MTARC2: variants seen among roughly 807,000 people sequenced by gnomAD.
The protein encoded by MTARC2 is mitochondrial amidoxime reducing component 2.
In MTARC2, 27 loss-of-function variants were observed where a neutral mutation model predicts 35.6. The ratio of observed to expected loss-of-function variants is 0.76; its 90% confidence interval spans 0.56 to 1.04. The LOEUF is 1.04. Ranked by LOEUF, MTARC2 falls within the 50% of genes least tolerant of loss-of-function variation. The pLI, the probability that MTARC2 is intolerant of heterozygous loss-of-function variation, is 0.00. For synonymous variants in MTARC2, 158 were observed against 167.1 expected, an observed-to-expected ratio of 0.95 and a Z score of 0.42; for missense variants, 412 against 432.5, an observed-to-expected ratio of 0.95 and a Z score of 0.42.
intron 2 of MTARC2, among the ~76,000 whole-genome samples, chr1:220,758,271 C>G (rs1336929024): frequency 6.6e-6 from 1 of 152,174 alleles, no homozygotes; most frequent in Admixed American, 6.5e-5. Context: ...GCATGAGCCA[C>G]CACGCCCGGC....
Position 220,784,000 on chromosome 1 carries a change from C to A in MTARC2, c.*113C>A, listed in dbSNP as rs1366659367. On this transcript the variant is annotated 3_prime_UTR_variant, in exon 8 of 8. Coordinates refer to ENST00000366913, the MANE Select transcript of MTARC2 (RefSeq NM_017898.5). ...CAGCAAATCCTTATTATCCAGCCTT[C>A]AACTATCTTTACCCTGGAAAACAAT... The A allele has an allele frequency of 1.4e-6, 1 of 716,854 alleles. No homozygotes were observed. The highest frequency in any genetic ancestry group is 2.0e-5 in the Admixed American group (1 of 49,966). The allele number at this position is 716,854 out of a possible 1,614,324, so 44.4% of individuals were successfully genotyped here.
At position 220,784,756 on chromosome 1, in the gene MTARC2, C is replaced by T. The variant is rs552693677; in HGVS notation, c.*869C>T. The T allele has an allele frequency of 2.6e-5, 4 of 152,304 alleles. No homozygotes were observed. The East Asian group carries it at 7.7e-4, about 29-fold the overall frequency. The allele number at this position is 152,304 out of a possible 1,614,324, so 9.4% of individuals were successfully genotyped here. On this transcript the variant is annotated 3_prime_UTR_variant, in exon 8 of 8. Transcript: ENST00000366913. ...CTGAAATAGTATGTGGATGAATTCA[C>T]CTACTTACAATTTTATGGTTTCTTT...
At chr1:220,751,276 G>A (rs1350056668) in intron 1 of MTARC2, among the ~76,000 whole-genome samples, 1 of 152,098 alleles carries the variant, frequency 6.6e-6, no homozygotes, top group Non-Finnish European at 1.5e-5. Context: ...GTGAACACTT[G>A]GCTTGAGCAC....
chr1:220,772,700 T>TTGTGTGTG (rs371722709), intron 4 of MTARC2, among the ~76,000 whole-genome samples: 373 of 148,714 alleles, frequency 2.5e-3, no homozygotes, highest in Middle Eastern at 6.9e-3. Flanking sequence ...GTGTGTGTGT[T>TTGTGTGTG]TGTGTGTGTG....
chr1:220,758,538 G>T (rs945543002), intron 2 of MTARC2, among the ~76,000 whole-genome samples: 7 of 151,620 alleles, frequency 4.6e-5, no homozygotes, highest in Non-Finnish European at 8.8e-5. Context: ...TCCTGCCTCA[G>T]CCTCCTGAGT....
chr1:220,761,540 C>G, intron 2 of MTARC2, 118 bp from the exon 3 acceptor site: 2 of 946,356 alleles, frequency 2.1e-6, no homozygotes, highest in Non-Finnish European at 3.1e-6. Flanking sequence ...GACCCAGGGA[C>G]CACTTAACAG....
At chr1:220,754,154 AAC>A (rs893438021) in intron 1 of MTARC2, among the ~76,000 whole-genome samples, 1 of 152,188 alleles carries the variant, frequency 6.6e-6, no homozygotes, top group African/African-American at 2.4e-5. Flanking sequence ...TCTTTTTGGC[AAC>A]ACAGTCTTTT....
rs1671035195 is a variant in MTARC2, at chr1:220,748,396, G to GA, written c.-133dup. The GA allele has an allele frequency of 1.1e-6, 1 of 903,714 alleles. No individual in the cohort carries two copies. Among genetic ancestry groups the GA allele is most frequent in the Non-Finnish European group, 1.5e-6 (1 of 678,974 alleles). The allele number at this position is 903,714 out of a possible 1,614,324, so 56.0% of individuals were successfully genotyped here. ...GGAACTGCTCTGCCGTCTCGGCGGT[G>GA]AAAGTGTGAGAGGGTCCGTAGTTGG... On this transcript the variant is annotated 5_prime_UTR_variant, in exon 1 of 8. Coordinates refer to ENST00000366913, the MANE Select transcript of MTARC2 (RefSeq NM_017898.5).
rs1289355127 is a variant in MTARC2, at chr1:220,753,023, G to C, written c.273-1924G>C. ...AGATCAGGAGATCGAGACCATCCTG[G>C]CTAACACGGTGAAACCCTGTCTCTA... On this transcript the variant is annotated intron_variant, in intron 1 of 7. Transcript: ENST00000366913. Among the ~76,000 whole-genome samples the C allele has an allele frequency of 2.1e-5, 3 of 145,048 alleles. No homozygotes were observed. In the East Asian group the frequency reaches 6.3e-4, roughly 30 times the overall value.
intron 2 of MTARC2, among the ~76,000 whole-genome samples, chr1:220,758,831 A>T (rs1172430279): frequency 8.0e-6 from 1 of 124,568 alleles, no homozygotes; most frequent in Non-Finnish European, 1.6e-5. Flanking sequence ...ATGTGAAAAT[A>T]TGTGTGTGTG....
At chr1:220,752,355 G>A (rs1389528025) in intron 1 of MTARC2, among the ~76,000 whole-genome samples, 1 of 152,200 alleles carries the variant, frequency 6.6e-6, no homozygotes, top group African/African-American at 2.4e-5. Context: ...TAAGGGTGAA[G>A]GCTTTAGTGA....
intron 1 of MTARC2, among the ~76,000 whole-genome samples, chr1:220,752,194 A>G (rs556480838): frequency 7.0e-4 from 106 of 152,336 alleles, no homozygotes; most frequent in African/African-American, 2.4e-3. Flanking sequence ...GACATTAATA[A>G]GGGATGAATG....
rs1477132043 is a variant in MTARC2, at chr1:220,780,039, A to G, written c.772A>G (p.Ile258Val). The G allele has an allele frequency of 1.9e-6, 3 of 1,540,080 alleles. No individual in the cohort carries two copies. The highest frequency in any genetic ancestry group is 1.7e-6 in the Non-Finnish European group (2 of 1,154,178). ...TTAGGATACCTGGGATGAACTCCTA[A>G]TTGGTAGTGTAGAAGTGAAAAAGGT... ...FEEDTWDELL[I>V]GSVEVKKVMA... The change falls in exon 5 of 8, where the codon ATT becomes GTT. Residue 258 changes from isoleucine to valine, a missense_variant. Coordinates refer to ENST00000366913, the MANE Select transcript of MTARC2 (RefSeq NM_017898.5).
intron 4 of MTARC2, among the ~76,000 whole-genome samples, chr1:220,767,016 AT>A (rs1239528918): frequency 3.9e-5 from 6 of 152,044 alleles, no homozygotes; most frequent in Admixed American, 2.6e-4. Flanking sequence ...GTGAAAAAAA[AT>A]AAACTGTTAA....
rs538830629 is a variant in MTARC2 at position 220,784,054 on chromosome 1, A to G, written c.*167A>G. ...GATTTTTGACTTTTCAAAGTTGTGT[A>G]TGCTCCAGGTTAATGCAAGGAAAGT... On this transcript the variant is annotated 3_prime_UTR_variant, in exon 8 of 8. Transcript: ENST00000366913. 7.1e-5 allele frequency: 50 copies of G among 708,102 alleles called. No individual in the cohort carries two copies. Among genetic ancestry groups the G allele is most frequent in the Middle Eastern group, 4.6e-4 (2 of 4,328 alleles). The allele number at this position is 708,102 out of a possible 1,614,324, so 43.9% of individuals were successfully genotyped here.
At chr1:220,751,186 A>G (rs997129660) in intron 1 of MTARC2, among the ~76,000 whole-genome samples, 16 of 152,180 alleles carry the variant, frequency 1.1e-4, no homozygotes, top group African/African-American at 4.8e-5. Context: ...TAACTGTTCC[A>G]AGGAGCTGGG....
intron 4 of MTARC2, among the ~76,000 whole-genome samples, chr1:220,768,789 C>A (rs891965903): frequency 2.0e-5 from 3 of 152,142 alleles, no homozygotes; most frequent in African/African-American, 7.2e-5. Flanking sequence ...AAGCTGAAAG[C>A]ATCTGAAAGT....
At chr1:220,778,842 G>C (rs1219597493) in intron 4 of MTARC2, among the ~76,000 whole-genome samples, 1 of 152,118 alleles carries the variant, frequency 6.6e-6, no homozygotes, top group African/African-American at 2.4e-5. Flanking sequence ...TTATCATCAA[G>C]GACAAAAAGT....
chr1:220,778,265 A>AAAAAAAAAG (rs1553254993), intron 4 of MTARC2, among the ~76,000 whole-genome samples: 1 of 138,504 alleles, frequency 7.2e-6, no homozygotes. Flanking sequence ...AAAAAAAAAA[A>AAAAAAAAAG]AAAGAAAGAA....
Sources: gnomAD v4.1 joint callset for allele counts (sites outside exome capture counted in the v4.1 genomes callset) on GRCh38, gnomAD v4.1.1 for gene constraint, MANE v1.5 for transcripts, NCBI Gene and HGNC (gene_info 2026-07-23, HGNC 2026-07-21) for gene names.